EXOC4: variants seen among roughly 807,000 people sequenced by gnomAD.
EXOC4 encodes the protein SEC8-like 1.
Under a neutral mutation model 107.2 loss-of-function variants are expected in EXOC4, and 71 were observed. The observed-to-expected ratio is 0.66, with a 90% CI of 0.55 to 0.81. The LOEUF is 0.81. Among genes scored for constraint, EXOC4 ranks in the 30% least tolerant of loss-of-function variants. EXOC4 has a pLI of 0.00. For missense variants in EXOC4, 1,108 were observed against 1,189.6 expected, an observed-to-expected ratio of 0.93 and a Z score of 1.01; for synonymous variants, 456 against 441.2, an observed-to-expected ratio of 1.03 and a Z score of -0.42.
chr7:133,804,621 T>G (rs1393152570), intron 10 of EXOC4, among the ~76,000 whole-genome samples: 4 of 152,168 alleles, frequency 2.6e-5, no homozygotes. Flanking sequence ...ATACTATAAT[T>G]TTATTTCAGC....
intron 10 of EXOC4, among the ~76,000 whole-genome samples, chr7:133,815,647 T>G (rs999925916): frequency 2.6e-5 from 4 of 152,208 alleles, no homozygotes; most frequent in Non-Finnish European, 5.9e-5. Context: ...TATCCTTTAT[T>G]TTTTCTGTGT....
intron 1 of EXOC4, among the ~76,000 whole-genome samples, chr7:133,254,600 C>T (rs1794970572): frequency 6.6e-6 from 1 of 152,126 alleles, no homozygotes; most frequent in African/African-American, 2.4e-5. Context: ...GACAGTATGG[C>T]GTCTGGCACG....
At chr7:134,036,140 A>T (rs1030135989) in intron 17 of EXOC4, among the ~76,000 whole-genome samples, 3 of 152,228 alleles carry the variant, frequency 2.0e-5, no homozygotes, top group Non-Finnish European at 4.4e-5. Context: ...GACCTATTAC[A>T]GACAAGTTGT....
At chr7:134,077,753 A>G in the EXOC4 span, among the ~76,000 whole-genome samples, 22,878 of 152,248 alleles carry the variant, frequency 0.15, 2,115 homozygotes, top group African/African-American at 0.25. Context: ...GATGTCTGTT[A>G]TCTAGGTTTG....
At chr7:133,456,529 A>G (rs1032169976) in intron 7 of EXOC4, among the ~76,000 whole-genome samples, 2 of 152,226 alleles carry the variant, frequency 1.3e-5, no homozygotes, top group Non-Finnish European at 2.9e-5. Flanking sequence ...AGTAAGCCAC[A>G]TTCTGTACTA....
intron 7 of EXOC4, among the ~76,000 whole-genome samples, chr7:133,385,010 CTT>C (rs972818654): frequency 6.6e-6 from 1 of 152,212 alleles, no homozygotes; most frequent in African/African-American, 2.4e-5. Flanking sequence ...TCCAAGAAGA[CTT>C]TATTATGTAT....
chr7:133,803,835 A>G (rs918523038), intron 10 of EXOC4, among the ~76,000 whole-genome samples: 2 of 152,198 alleles, frequency 1.3e-5, no homozygotes, highest in Admixed American at 6.5e-5. Flanking sequence ...TTTAATTCCT[A>G]TGTAATAAGT....
chr7:133,318,723 A>G (rs1795045187), intron 5 of EXOC4, among the ~76,000 whole-genome samples: 1 of 152,222 alleles, frequency 6.6e-6, no homozygotes, highest in African/African-American at 2.4e-5. Context: ...TTAAAATGCC[A>G]CTTAAAATTG....
At chr7:133,819,693 T>G (rs900031010) in intron 11 of EXOC4, among the ~76,000 whole-genome samples, 2 of 152,178 alleles carry the variant, frequency 1.3e-5, no homozygotes, top group Non-Finnish European at 2.9e-5. Flanking sequence ...TTCTCTGAAG[T>G]GTCACGCTAT....
chr7:133,362,423 C>T (rs181902334), intron 6 of EXOC4, among the ~76,000 whole-genome samples: 52 of 152,254 alleles, frequency 3.4e-4, no homozygotes, highest in African/African-American at 1.1e-3. Context: ...ATAATTCTAA[C>T]GCTGAGTCGT....
At chr7:133,643,404 C>A (rs1011052784) in intron 10 of EXOC4, among the ~76,000 whole-genome samples, 1 of 152,138 alleles carries the variant, frequency 6.6e-6, no homozygotes, top group African/African-American at 2.4e-5. Flanking sequence ...GGTGGGTCTG[C>A]CTTTCCCAGC....
intron 14 of EXOC4, among the ~76,000 whole-genome samples, chr7:133,981,032 G>A (rs1386075453): frequency 6.6e-6 from 1 of 152,192 alleles, no homozygotes; most frequent in Non-Finnish European, 1.5e-5. Flanking sequence ...CTGAGAGGTG[G>A]CCACACTTGT....
intron 1 of EXOC4, chr7:133,254,055 CTA>C (rs1554425060): frequency 2.0e-5 from 3 of 151,906 alleles, no homozygotes; most frequent in Non-Finnish European, 2.9e-5. Flanking sequence ...AACAAACACT[CTA>C]TTTTTCCCCA....
chr7:133,438,351 A>T (rs1300053164), intron 7 of EXOC4, among the ~76,000 whole-genome samples: 1 of 152,074 alleles, frequency 6.6e-6, no homozygotes, highest in African/African-American at 2.4e-5. Flanking sequence ...AATAGTTCTT[A>T]TATTAGTTTT....
intron 3 of EXOC4, among the ~76,000 whole-genome samples, chr7:133,295,861 T>C (rs767765537): frequency 3.3e-5 from 5 of 152,124 alleles, no homozygotes; most frequent in Non-Finnish European, 5.9e-5. Flanking sequence ...TTTTTTCTTA[T>C]TACTCTGGGA....
chr7:133,855,294 A>G (rs867699467), intron 11 of EXOC4, among the ~76,000 whole-genome samples: 21 of 150,780 alleles, frequency 1.4e-4, no homozygotes, highest in African/African-American at 5.2e-4. Flanking sequence ...GGAATAATCT[A>G]CTAATCTAAA....
chr7:133,302,031 G>C (rs1794652142), intron 3 of EXOC4, among the ~76,000 whole-genome samples: 1 of 152,124 alleles, frequency 6.6e-6, no homozygotes, highest in African/African-American at 2.4e-5. Flanking sequence ...AGGGTATGGT[G>C]GTTCCTAATT....
intron 13 of EXOC4, among the ~76,000 whole-genome samples, chr7:133,936,696 G>C (rs544544813): frequency 1.6e-4 from 24 of 152,236 alleles, no homozygotes; most frequent in African/African-American, 5.8e-4. Context: ...CTCATGCTCT[G>C]TTGCCCAGGC....
chr7:133,481,069 A>AAC lies in EXOC4; in HGVS notation c.1417+933_1417+934dup, dbSNP rs771130827. The AAC allele has an allele frequency of 4.6e-5, 7 of 151,358 alleles. No homozygotes were observed. In the East Asian group the frequency reaches 5.8e-4, roughly 13 times the overall value. The allele number at this position is 151,358 out of a possible 1,614,324, so 9.4% of individuals were successfully genotyped here. ...TGTCTCAAAAAAAGAAAAAAAAAAA[A>AAC]ACAACAAAACCACATTGGTGAGGGC... On this transcript the variant is annotated intron_variant, in intron 9 of 17. Transcript: ENST00000253861.
Sources: gnomAD v4.1 joint callset for allele counts (sites outside exome capture counted in the v4.1 genomes callset) on GRCh38, gnomAD v4.1.1 for gene constraint, MANE v1.5 for transcripts, NCBI Gene and HGNC (gene_info 2026-07-23, HGNC 2026-07-21) for gene names.